The following DIAPH1 variants were observed in gnomAD, a reference collection of about 807,000 sequenced individuals.
DIAPH1 encodes protein diaphanous homolog 1.
A neutral mutation model predicts 140.7 loss-of-function variants in DIAPH1; 46 were observed. The ratio of observed to expected loss-of-function variants is 0.33; its 90% CI spans 0.26 to 0.42. The LOEUF (loss-of-function observed/expected upper bound fraction) is 0.42, where lower values mean the gene tolerates loss of function less well. Ranked by LOEUF, DIAPH1 falls within the 10% of genes least tolerant of loss-of-function variation. DIAPH1 has a pLI of 1.00. For missense variants in DIAPH1, 1,310 were observed against 1,558.7 expected (o/e 0.84, Z 2.69); for synonymous variants, 565 against 551.6 (o/e 1.02, Z -0.34).
intron 27 of DIAPH1, among the ~76,000 whole-genome samples, chr5:141,520,961 C>T (rs755630775): frequency 3.9e-5 from 6 of 152,118 alleles, no homozygotes; most frequent in African/African-American, 7.2e-5. Flanking sequence ...AGTGCAGTGG[C>T]GCAATCTCGG....
Position 141,591,695 on chromosome 5 carries a change from G to GATATATATATATATATAT in DIAPH1, c.118-3463_118-3446dup, listed in dbSNP as rs56117502. On this transcript the variant is annotated intron_variant, in intron 1 of 27. Transcript: ENST00000389054. ...TGGAAAAGGAAGGAAGGGAGATGGG[G>GATATATATATATATATAT]ATATATATATATATATATATATATA... 3.1e-3 allele frequency among the ~76,000 whole-genome samples: 268 copies of GATATATATATATATATAT among 86,224 alleles called. 10 individuals carry two copies. The highest frequency in any genetic ancestry group is 7.1e-3 in the African/African-American group (123 of 17,414). 56.6% of individuals were successfully genotyped at this position (86,224 alleles called of 152,430 possible). A position where few individuals can be genotyped will look rare whatever the true frequency, so the allele number is the denominator to read the frequency against.
At position 141,528,944 on chromosome 5, in the gene DIAPH1, A is replaced by G. The variant is rs777510302; in HGVS notation, c.2779-3T>C. On this transcript the variant is annotated splice_polypyrimidine_tract_variant and splice_region_variant and intron_variant, in intron 21 of 27. Transcript: ENST00000389054. ...CGCAGTCGGGGCACAGTGCCCATCT[A>G]GTAAAGAACACAAGCAGTTCCATTA... 1.1e-5 allele frequency: 18 copies of G among 1,613,668 alleles called. No homozygotes were observed. Among genetic ancestry groups the G allele is most frequent in the Non-Finnish European group, 1.4e-5 (17 of 1,180,046 alleles).
At chr5:141,592,046 C>T (rs891522163) in intron 1 of DIAPH1, among the ~76,000 whole-genome samples, 1 of 147,704 alleles carries the variant, frequency 6.8e-6, no homozygotes, top group African/African-American at 2.5e-5. Context: ...CGCACCACTG[C>T]ACTCCAGTCT....
In DIAPH1 at chr5:141,528,863, T is replaced by G. The variant is rs1399066974; in HGVS notation, c.2857A>C (p.Ile953Leu). The change falls in exon 22 of 28, where the codon ATC (isoleucine) becomes CTC (leucine). Residue 953 changes from isoleucine (I) to leucine (L), a missense_variant. Ile to Leu is a conservative substitution (Grantham distance 5). Coordinates refer to ENST00000389054, the MANE Select transcript of DIAPH1 (RefSeq NM_005219.5). ...KLQFSEQVEN[I>L]KPEIVSVTAA... ...GTGACAGACACAATCTCTGGCTTGATATTCTCCACTTGCTCGCTGAATTGT... is the reference window on the plus strand; with the variant it reads ...GTGACAGACACAATCTCTGGCTTGAGATTCTCCACTTGCTCGCTGAATTGT... 6.2e-7 allele frequency: 1 copy of G among 1,614,114 alleles called. No homozygotes were observed. Among genetic ancestry groups the G allele is most frequent in the Admixed American group, 1.7e-5 (1 of 60,004 alleles).
At chr5:141,602,258 C>G (rs1387430462) in intron 1 of DIAPH1, among the ~76,000 whole-genome samples, 1 of 152,136 alleles carries the variant, frequency 6.6e-6, no homozygotes, top group Non-Finnish European at 1.5e-5. Flanking sequence ...ACTCTGTTGC[C>G]TATGCTGGAG....
At chr5:141,527,722 A>AAC (rs1554201190) in intron 23 of DIAPH1, 25 bp from the exon 24 acceptor site, 1 of 1,523,562 alleles carries the variant, frequency 6.6e-7, no homozygotes, top group East Asian at 2.3e-5. Context: ...AAAAAAAAAA[A>AAC]CCATAAAAAC....
At chr5:141,534,021 G>A (rs2099888648) in intron 19 of DIAPH1, among the ~76,000 whole-genome samples, 2 of 119,960 alleles carry the variant, frequency 1.7e-5, no homozygotes, top group South Asian at 3.1e-4. Flanking sequence ...ACAGAGTGGT[G>A]AGACTGTGTC....
At chr5:141,538,470 A>T (rs2099889424) in intron 18 of DIAPH1, among the ~76,000 whole-genome samples, 1 of 152,082 alleles carries the variant, frequency 6.6e-6, no homozygotes, top group South Asian at 2.1e-4. Flanking sequence ...CTCCTGCCTC[A>T]GCATCCCAAG....
chr5:141,614,123 GA>G (rs1222160254), intron 1 of DIAPH1, among the ~76,000 whole-genome samples: 1 of 152,130 alleles, frequency 6.6e-6, no homozygotes, highest in Non-Finnish European at 1.5e-5. Context: ...AATGAAAAAA[GA>G]AAACCACTTA....
intron 1 of DIAPH1, among the ~76,000 whole-genome samples, chr5:141,609,869 GA>G (rs1379720158): frequency 3.9e-5 from 6 of 152,144 alleles, no homozygotes; most frequent in African/African-American, 1.2e-4. Context: ...TGAAAGTCCC[GA>G]AATCCTCAGA....
intron 1 of DIAPH1, among the ~76,000 whole-genome samples, chr5:141,600,900 A>G (rs990853066): frequency 9.2e-5 from 14 of 152,224 alleles, no homozygotes; most frequent in African/African-American, 2.9e-4. Flanking sequence ...TTATACTAGA[A>G]CTGCCTTTTT....
chr5:141,521,156 T>C (rs1418234655), intron 27 of DIAPH1, among the ~76,000 whole-genome samples: 2 of 152,208 alleles, frequency 1.3e-5, no homozygotes, highest in African/African-American at 4.8e-5. Flanking sequence ...GGTTAGATAC[T>C]AATCACTGGA....
At position 141,529,175 on chromosome 5, in the gene DIAPH1, C is replaced by T; in HGVS notation, c.2775G>A (p.Val925=). Residue 925 remains valine, a synonymous_variant, in exon 21 of 28, where the codon GTG becomes GTA. Transcript: ENST00000389054. ...DDLAESEQFG[V]VMGTVPRLRP... is the part of the protein sequence containing the mutation. ...TACTGCCACAGGCCTCACTCACCACCACGCCAAACTGCTCTGACTCAGCCA... is the reference window on the plus strand; with the variant it reads ...TACTGCCACAGGCCTCACTCACCACTACGCCAAACTGCTCTGACTCAGCCA... The T allele has an allele frequency of 6.2e-7, 1 of 1,614,082 alleles. No individual in the cohort carries two copies. Among genetic ancestry groups the T allele is most frequent in the Non-Finnish European group, 8.5e-7 (1 of 1,179,950 alleles).
At chr5:141,530,784 G>C (rs931601106) in intron 19 of DIAPH1, among the ~76,000 whole-genome samples, 1 of 152,150 alleles carries the variant, frequency 6.6e-6, no homozygotes. Flanking sequence ...AAAAGACTCA[G>C]ATAAGCCTTT....
chr5:141,577,360 A>C (rs1030114953), intron 12 of DIAPH1, 115 bp downstream of exon 12: 4 of 821,266 alleles, frequency 4.9e-6, no homozygotes, highest in Non-Finnish European at 6.4e-6. Flanking sequence ...AATGAACCCT[A>C]ATCTTGGGTC....
chr5:141,560,518 T>C (rs1040698069), intron 18 of DIAPH1: 4 of 163,374 alleles, frequency 2.4e-5, no homozygotes, highest in Non-Finnish European at 5.4e-5. Flanking sequence ...TTAGGCATTA[T>C]GGAAATAATG....
intron 1 of DIAPH1, among the ~76,000 whole-genome samples, chr5:141,595,041 CAAAA>C (rs1201705026): frequency 2.5e-5 from 2 of 79,114 alleles, no homozygotes; most frequent in African/African-American, 9.9e-5. Context: ...AACTCCATCT[CAAAA>C]AAAAAAAAAA....
At chr5:141,536,597 G>T (rs2099889059) in intron 18 of DIAPH1, among the ~76,000 whole-genome samples, 1 of 151,970 alleles carries the variant, frequency 6.6e-6, no homozygotes, top group Admixed American at 6.6e-5. Flanking sequence ...TTTGATGACG[G>T]GGGCAGTTTA....
chr5:141,559,539 G>T (rs1324323598), intron 18 of DIAPH1, among the ~76,000 whole-genome samples: 1 of 152,098 alleles, frequency 6.6e-6, no homozygotes, highest in Non-Finnish European at 1.5e-5. Context: ...ATAAAGAAGG[G>T]GACAGATATA....
Sources: gnomAD v4.1 joint callset for allele counts (sites outside exome capture counted in the v4.1 genomes callset) on GRCh38, gnomAD v4.1.1 for gene constraint, MANE v1.5 for transcripts, NCBI Gene and HGNC (gene_info 2026-07-23, HGNC 2026-07-21) for gene names.